WAC: variants seen among roughly 807,000 people sequenced by gnomAD.
WAC encodes WW domain containing adaptor with coiled-coil.
In WAC, 11 loss-of-function variants were observed where a neutral mutation model predicts 79.6. That is an observed-to-expected ratio of 0.14 (90% CI 0.09 to 0.23). The LOEUF is 0.23. Ranked by LOEUF, WAC falls within the 10% of genes least tolerant of loss-of-function variation. The probability of loss-of-function intolerance (pLI) is 1.00; values close to 1 mark genes in which losing one functional copy is unlikely to be tolerated. For synonymous variants in WAC, 304 were observed against 276.9 expected, an observed-to-expected ratio of 1.10 and a Z score of -0.97; for missense variants, 728 against 773.5, an observed-to-expected ratio of 0.94 and a Z score of 0.70.
chr10:28,596,106 A>G, intron 7 of WAC, 65 bp downstream of exon 7: 2 of 1,461,082 alleles, frequency 1.4e-6, no homozygotes, highest in Non-Finnish European at 1.8e-6. Context: ...TAAGTTTCTT[A>G]TATATTACAT....
intron 3 of WAC, among the ~76,000 whole-genome samples, chr10:28,541,894 T>A (rs1446882825): frequency 6.6e-6 from 1 of 152,170 alleles, no homozygotes; most frequent in Non-Finnish European, 1.5e-5. Flanking sequence ...TTTTGCTTTG[T>A]ATGATTGTTT....
chr10:28,613,540 G>T (rs1213108543), intron 10 of WAC, among the ~76,000 whole-genome samples: 1 of 152,092 alleles, frequency 6.6e-6, no homozygotes, highest in African/African-American at 2.4e-5. Context: ...GTAGCTGTTC[G>T]TTTTTTGTGT....
chr10:28,616,723 G>A (rs911079554), intron 12 of WAC, among the ~76,000 whole-genome samples: 6 of 152,144 alleles, frequency 3.9e-5, no homozygotes, highest in African/African-American at 1.4e-4. Flanking sequence ...CAGTGATGTG[G>A]CTCAAAGCCA....
chr10:28,614,385 G>T (rs946148069), intron 10 of WAC, among the ~76,000 whole-genome samples, 182 bp from the exon 11 acceptor site: 2 of 152,196 alleles, frequency 1.3e-5, no homozygotes, highest in Non-Finnish European at 2.9e-5. Context: ...GAGCCACCGC[G>T]CCCAGCCCTA....
intron 3 of WAC, among the ~76,000 whole-genome samples, chr10:28,556,779 G>A (rs1414977622): frequency 6.6e-6 from 1 of 151,884 alleles, no homozygotes; most frequent in Non-Finnish European, 1.5e-5. Context: ...TTCTGCGTGC[G>A]GCTATCCAGT....
At chr10:28,584,624 A>C (rs545219841) in intron 4 of WAC, among the ~76,000 whole-genome samples, 1 of 152,158 alleles carries the variant, frequency 6.6e-6, no homozygotes, top group Non-Finnish European at 1.5e-5. Context: ...GTTGAGTCCA[A>C]CTGATTTTGC....
rs71281550 is a variant in WAC, at chr10:28,563,744, C to CTTTTTTTTTTTTTTTTTTTTTTTTTTTT, written c.275-19653_275-19626dup. Among the ~76,000 whole-genome samples the CTTTTTTTTTTTTTTTTTTTTTTTTTTTT allele has an allele frequency of 1.2e-4, 8 of 67,912 alleles. 1 individual carries two copies. The highest frequency in any genetic ancestry group is 1.2e-4 in the African/African-American group (2 of 17,046). The allele number at this position is 67,912 out of a possible 152,430, so 44.6% of individuals were successfully genotyped here. ...ACAAGTGCATGCTGCCTACACCCAGCTTTTTTTTTTTTTTTTTTTTTTTTT... is the reference window on the plus strand; with the variant it reads ...ACAAGTGCATGCTGCCTACACCCAGCTTTTTTTTTTTTTTTTTTTTTTTTTTTTTTTTTTTTTTTTTTTTTTTTTTTTT... On this transcript the variant is annotated intron_variant, in intron 3 of 13. Transcript: ENST00000354911.
At chr10:28,544,336 T>C (rs1252118060) in intron 3 of WAC, among the ~76,000 whole-genome samples, 1 of 152,242 alleles carries the variant, frequency 6.6e-6, no homozygotes, top group East Asian at 1.9e-4. Context: ...AGGAAATACC[T>C]ACTTTATATT....
Position 28,610,779 on chromosome 10 carries a change from A to G in WAC, c.1246A>G (p.Ile416Val). 6.2e-7 allele frequency: 1 copy of G among 1,612,456 alleles called. No individual in the cohort carries two copies. The highest frequency in any genetic ancestry group is 8.5e-7 in the Non-Finnish European group (1 of 1,179,608). ...FLTAGPSAFN[I>V]TSLISQAAQL... ...TACTGCTGGACCATCTGCTTTCAAC[A>G]TAACGTCTCTGATTTCTCAAGCTGC... Residue 416 changes from isoleucine (I) to valine (V), a missense_variant, in exon 9 of 14, where the codon ATA becomes GTA. Ile to Val is a conservative substitution (Grantham distance 29). Coordinates refer to ENST00000354911, the MANE Select transcript of WAC (RefSeq NM_016628.5).
At position 28,558,935 on chromosome 10, in the gene WAC, T is replaced by C. The variant is rs578224288; in HGVS notation, c.274+23178T>C. Among the ~76,000 whole-genome samples the C allele has an allele frequency of 4.6e-5, 7 of 152,314 alleles. No individual in the cohort carries two copies. In the South Asian group the frequency reaches 8.3e-4, roughly 18 times the overall value. On this transcript the variant is annotated intron_variant, in intron 3 of 13. Coordinates refer to ENST00000354911, the MANE Select transcript of WAC (RefSeq NM_016628.5). The stretch of plus-strand genomic sequence containing the variant: ...AAAATCCTAGAATGACGAATACGGG[T>C]AGTTCATTTGGTGCAAATCAACCCA...
chr10:28,545,517 C>T (rs916774003), intron 3 of WAC, among the ~76,000 whole-genome samples: 4 of 152,100 alleles, frequency 2.6e-5, no homozygotes, highest in African/African-American at 4.8e-5. Context: ...AAAATAAACA[C>T]TGGGTTAATT....
intron 3 of WAC, 136 bp downstream of exon 3, chr10:28,535,893 T>G: frequency 1.2e-6 from 1 of 809,842 alleles, no homozygotes; most frequent in Non-Finnish European, 1.8e-6. Flanking sequence ...TATCATTTTT[T>G]TTTTACTCTG....
intron 7 of WAC, among the ~76,000 whole-genome samples, chr10:28,603,076 A>G (rs1840715250): frequency 6.6e-6 from 1 of 152,244 alleles, no homozygotes; most frequent in African/African-American, 2.4e-5. Context: ...ACACAAGTCA[A>G]CACTAGAGCT....
At chr10:28,557,604 G>GGATT (rs1838065452) in intron 3 of WAC, among the ~76,000 whole-genome samples, 1 of 152,120 alleles carries the variant, frequency 6.6e-6, no homozygotes, top group Non-Finnish European at 1.5e-5. Flanking sequence ...TGAGGCAGGA[G>GGATT]GATTGCTTGA....
chr10:28,557,223 C>T lies in WAC; in HGVS notation c.274+21466C>T, dbSNP rs569626484. On this transcript the variant is annotated intron_variant, in intron 3 of 13. Coordinates refer to ENST00000354911, the MANE Select transcript of WAC (RefSeq NM_016628.5). ...GATTTTTAAAGATAAATTTGAGTGCCTTGTAATATTGACTAATAAACTGTT... is the reference window on the plus strand; with the variant it reads ...GATTTTTAAAGATAAATTTGAGTGCTTTGTAATATTGACTAATAAACTGTT... Among the ~76,000 whole-genome samples, 53 of 152,132 alleles carry T rather than the reference C, an allele frequency of 3.5e-4. No individual in the cohort carries two copies. In the East Asian group the frequency reaches 6.7e-3, roughly 19 times the overall value.
At chr10:28,542,834 A>G (rs1381255114) in intron 3 of WAC, among the ~76,000 whole-genome samples, 1 of 152,262 alleles carries the variant, frequency 6.6e-6, no homozygotes, top group African/African-American at 2.4e-5. Context: ...GTAGCCTTCA[A>G]ACAAATTTGT....
rs147245109 is a variant in WAC, at chr10:28,596,438, A to G, written c.919+397A>G. On this transcript the variant is annotated intron_variant, in intron 7 of 13. Coordinates refer to ENST00000354911, the MANE Select transcript of WAC (RefSeq NM_016628.5). ...GAGGTATTTTAAAACTAATGTCTGT[A>G]TAACATTTCATTATTGGTTTCAGTT... Among the ~76,000 whole-genome samples, 863 of 152,316 alleles carry G rather than the reference A, an allele frequency of 5.7e-3. 7 individuals carry two copies. The highest frequency in any genetic ancestry group is 0.024 in the Middle Eastern group (7 of 294).
chr10:28,599,525 G>A (rs1404482263), intron 7 of WAC, among the ~76,000 whole-genome samples: 3 of 152,278 alleles, frequency 2.0e-5, no homozygotes, highest in Admixed American at 6.5e-5. Context: ...TGTTGTAGAT[G>A]GATGCTACAA....
At chr10:28,575,145 G>A (rs1464992018) in intron 3 of WAC, among the ~76,000 whole-genome samples, 1 of 152,146 alleles carries the variant, frequency 6.6e-6, no homozygotes, top group East Asian at 1.9e-4. Flanking sequence ...TACATTTGCA[G>A]ATTTGTTACT....
Sources: gnomAD v4.1 joint callset for allele counts (sites outside exome capture counted in the v4.1 genomes callset) on GRCh38, gnomAD v4.1.1 for gene constraint, MANE v1.5 for transcripts, NCBI Gene and HGNC (gene_info 2026-07-23, HGNC 2026-07-21) for gene names.